Variants in DOC2B observed in about 807,000 individuals in gnomAD.
DOC2B encodes the protein double C2 domain beta, also known as double C2-like domain-containing protein beta.
DOC2B carries 21 observed loss-of-function variants against 28.9 expected under a neutral mutation model. The observed-to-expected ratio is 0.73, with a 90% CI of 0.52 to 1.05. DOC2B has a LOEUF of 1.05. Among genes scored for constraint, DOC2B ranks in the 50% least tolerant of loss-of-function variants. The pLI is 0.00. For synonymous variants in DOC2B, 194 were observed against 178.1 expected, an observed-to-expected ratio of 1.09 and a Z score of -0.71; for missense variants, 384 against 421.1, an observed-to-expected ratio of 0.91 and a Z score of 0.77.
intron 6 of DOC2B, among the ~76,000 whole-genome samples, chr17:154,764 C>T (rs542891245): frequency 6.6e-6 from 1 of 152,306 alleles, no homozygotes; most frequent in East Asian, 1.9e-4. Flanking sequence ...GTGTCTCGCT[C>T]TGTCACCCTG....
intron 2 of DOC2B, among the ~76,000 whole-genome samples, chr17:170,089 C>T (rs945959175): frequency 2.0e-5 from 3 of 152,150 alleles, no homozygotes; most frequent in Non-Finnish European, 4.4e-5. Flanking sequence ...GCCTGGCAGC[C>T]GGCACCTCTC....
At chr17:155,240 G>A (rs1567528771) in intron 6 of DOC2B, among the ~76,000 whole-genome samples, 1 of 152,078 alleles carries the variant, frequency 6.6e-6, no homozygotes, top group Non-Finnish European at 1.5e-5. Context: ...CAATCCTCCT[G>A]CCTTGGCCTC....
intron 8 of DOC2B, among the ~76,000 whole-genome samples, 154 bp from the exon 9 acceptor site, chr17:147,731 C>T (rs1184662951): frequency 6.6e-6 from 1 of 152,246 alleles, no homozygotes; most frequent in Non-Finnish European, 1.5e-5. Context: ...CCATGCCACA[C>T]TCTGGCCCCG....
At chr17:172,415 A>C in intron 2 of DOC2B, 122 bp downstream of exon 2, 1 of 741,258 alleles carries the variant, frequency 1.3e-6, no homozygotes, top group South Asian at 2.1e-5. Flanking sequence ...CGCACCCCAC[A>C]CAGCGCAGAC....
intron 1 of DOC2B, among the ~76,000 whole-genome samples, chr17:174,513 C>T (rs2040347362): frequency 6.6e-6 from 1 of 152,160 alleles, no homozygotes; most frequent in Non-Finnish European, 1.5e-5. Flanking sequence ...CCTTTGGGAA[C>T]AGAACATACA....
chr17:147,867 C>T (rs910319179), intron 8 of DOC2B, among the ~76,000 whole-genome samples: 27 of 152,226 alleles, frequency 1.8e-4, no homozygotes, highest in Non-Finnish European at 2.9e-4. Flanking sequence ...CCCCACTATG[C>T]GCAGCCACCA....
chr17:148,591 T>A (rs932993456), intron 7 of DOC2B, among the ~76,000 whole-genome samples: 5 of 151,962 alleles, frequency 3.3e-5, no homozygotes, highest in African/African-American at 1.2e-4. Flanking sequence ...TGCTGACCCC[T>A]CCCTTCTCTG....
chr17:180,232 G>C (rs1444690676), intron 1 of DOC2B, among the ~76,000 whole-genome samples: 1 of 152,226 alleles, frequency 6.6e-6, no homozygotes, highest in African/African-American at 2.4e-5. Flanking sequence ...ACTGGACTGC[G>C]ACCTCTTCCG....
rs143638734 is a variant in DOC2B at position 159,501 on chromosome 17, G to A, written c.765+1914C>T. Among the ~76,000 whole-genome samples, 3 of 152,348 alleles carry A rather than the reference G, an allele frequency of 2.0e-5. No individual in the cohort carries two copies. The East Asian group carries it at 5.8e-4, about 29-fold the overall frequency. On this transcript the variant is annotated intron_variant, in intron 5 of 8. Coordinates refer to ENST00000613549, the MANE Select transcript of DOC2B (RefSeq NM_003585.5). ...TAACCAGGCGTGGCGGCACACGCCT[G>A]TAGTCCCAGCTACTCGGGAGGCTGA...
At chr17:159,630 T>A (rs1197181190) in intron 5 of DOC2B, among the ~76,000 whole-genome samples, 2 of 152,096 alleles carry the variant, frequency 1.3e-5, no homozygotes, top group African/African-American at 2.4e-5. Flanking sequence ...TCTCAAAAAA[T>A]AATAATAATA....
intron 5 of DOC2B, among the ~76,000 whole-genome samples, chr17:160,356 GA>G (rs2040187024): frequency 6.6e-6 from 1 of 152,204 alleles, no homozygotes; most frequent in Non-Finnish European, 1.5e-5. Flanking sequence ...GTCTGAGGGG[GA>G]GAGAATGTGA....
At chr17:162,758 G>A (rs1449994565) in intron 3 of DOC2B, among the ~76,000 whole-genome samples, 2 of 152,226 alleles carry the variant, frequency 1.3e-5, no homozygotes, top group Admixed American at 6.5e-5. Flanking sequence ...CCTCCAGCCC[G>A]ATGCCACGGG....
At chr17:148,420 T>C (rs943583598) in intron 7 of DOC2B, among the ~76,000 whole-genome samples, 151 bp from the exon 8 acceptor site, 1 of 152,034 alleles carries the variant, frequency 6.6e-6, no homozygotes, top group Non-Finnish European at 1.5e-5. Context: ...TCTCGCCCAC[T>C]TCCCCCTGAG....
At chr17:172,796 G>A (rs1394391926) in intron 1 of DOC2B, among the ~76,000 whole-genome samples, 180 bp from the exon 2 acceptor site, 2 of 152,156 alleles carry the variant, frequency 1.3e-5, no homozygotes, top group Non-Finnish European at 2.9e-5. Flanking sequence ...ACCCAACCCT[G>A]GGAAGTCACA....
chr17:180,677 C>G (rs1353833302), intron 1 of DOC2B, among the ~76,000 whole-genome samples: 3 of 151,944 alleles, frequency 2.0e-5, no homozygotes, highest in African/African-American at 7.2e-5. Context: ...GGCCGCGAGG[C>G]CCTCCCGGAG....
intron 7 of DOC2B, among the ~76,000 whole-genome samples, chr17:148,483 C>G (rs2040039066): frequency 6.6e-6 from 1 of 152,124 alleles, no homozygotes; most frequent in South Asian, 2.1e-4. Context: ...CTCCTTGTCC[C>G]TGAGCCTGCT....
rs2040025144 is a variant in DOC2B at position 147,155 on chromosome 17, T to C, written c.*286A>G. 1 of 328,190 alleles carries C rather than the reference T, an allele frequency of 3.0e-6. No homozygotes were observed. The highest frequency in any genetic ancestry group is 2.1e-5 in the African/African-American group (1 of 47,078). The allele number at this position is 328,190 out of a possible 1,614,324, so 20.3% of individuals were successfully genotyped here. ...CTCTAGAAGGGTCTTTGCTCCCAGA[T>C]GGGCGTGTCCCCTTCCCCTGGGCAG... On this transcript the variant is annotated 3_prime_UTR_variant, in exon 9 of 9. Transcript: ENST00000613549.
intron 2 of DOC2B, among the ~76,000 whole-genome samples, chr17:164,978 C>T (rs1597827966): frequency 1.3e-5 from 2 of 152,174 alleles, no homozygotes; most frequent in African/African-American, 2.4e-5. Flanking sequence ...GGCAGCTCGG[C>T]GGCTCACACC....
intron 5 of DOC2B, among the ~76,000 whole-genome samples, chr17:159,079 T>G (rs2040170157): frequency 6.6e-6 from 1 of 152,000 alleles, no homozygotes. Context: ...CAGGCATATT[T>G]TTAGCTCTTT....
Sources: gnomAD v4.1 joint callset for allele counts (sites outside exome capture counted in the v4.1 genomes callset) on GRCh38, gnomAD v4.1.1 for gene constraint, MANE v1.5 for transcripts, NCBI Gene and HGNC (gene_info 2026-07-23, HGNC 2026-07-21) for gene names.